Variants in HOOK1 observed in about 807,000 individuals in gnomAD.
HOOK1 encodes hook microtubule tethering protein 1.
A neutral mutation model predicts 112.8 loss-of-function variants in HOOK1; 60 were observed. The observed-to-expected ratio is 0.53, with a 90% CI of 0.43 to 0.66. The LOEUF (loss-of-function observed/expected upper bound fraction) is 0.66. HOOK1 is among the 30% of genes least tolerant of loss of function. The probability of loss-of-function intolerance (pLI) is 0.00; values close to 1 mark genes in which losing one functional copy is unlikely to be tolerated. For missense variants in HOOK1, 770 were observed against 856.0 expected (o/e 0.90, Z 1.25); for synonymous variants, 294 against 283.8 (o/e 1.04, Z -0.36).
chr1:59,841,891 A>G (rs1327688721), intron 8 of HOOK1, among the ~76,000 whole-genome samples: 2 of 152,114 alleles, frequency 1.3e-5, no homozygotes, highest in Admixed American at 1.3e-4. Flanking sequence ...TGCAGATTGA[A>G]CTTATCACCA....
At chr1:59,823,200 G>A (rs980062696) in intron 2 of HOOK1, among the ~76,000 whole-genome samples, 5 of 152,078 alleles carry the variant, frequency 3.3e-5, no homozygotes, top group Non-Finnish European at 5.9e-5. Context: ...GGCGCCTGTA[G>A]TCCCAGCTAC....
At chr1:59,859,290 C>T (rs2098412339) in intron 14 of HOOK1, among the ~76,000 whole-genome samples, 1 of 151,964 alleles carries the variant, frequency 6.6e-6, no homozygotes, top group African/African-American at 2.4e-5. Context: ...ACATGACCCC[C>T]ATGTGCTATG....
intron 13 of HOOK1, 45 bp downstream of exon 13, chr1:59,858,560 G>A: frequency 8.1e-7 from 1 of 1,231,140 alleles, no homozygotes; most frequent in Non-Finnish European, 1.2e-6. Context: ...GGGCAGCATA[G>A]TGGGACTCCA....
intron 21 of HOOK1, 56 bp downstream of exon 21, chr1:59,871,166 T>G: frequency 8.9e-7 from 1 of 1,120,228 alleles, no homozygotes; most frequent in Non-Finnish European, 1.3e-6. Context: ...CAAACTTTTT[T>G]TTGACCAAGT....
intron 2 of HOOK1, among the ~76,000 whole-genome samples, 194 bp downstream of exon 2, chr1:59,822,137 A>G (rs1369049062): frequency 6.6e-6 from 1 of 152,238 alleles, no homozygotes; most frequent in Non-Finnish European, 1.5e-5. Flanking sequence ...GCTTGTTCAT[A>G]GAGATACATC....
chr1:59,823,123 A>T (rs773847359), intron 2 of HOOK1, among the ~76,000 whole-genome samples: 1 of 152,224 alleles, frequency 6.6e-6, no homozygotes, highest in Non-Finnish European at 1.5e-5. Flanking sequence ...GATCGAGACC[A>T]TCCTGGCTAA....
chr1:59,870,881 A>T (rs1000975175), intron 20 of HOOK1, 161 bp from the exon 21 acceptor site: 2 of 566,760 alleles, frequency 3.5e-6, no homozygotes, highest in South Asian at 4.5e-5. Flanking sequence ...GGTGTTGGGC[A>T]TGCATTTGTG....
chr1:59,833,606 C>A, intron 5 of HOOK1, 69 bp downstream of exon 5: 1 of 1,268,948 alleles, frequency 7.9e-7, no homozygotes, highest in Non-Finnish European at 1.1e-6. Flanking sequence ...TATAAGCTAG[C>A]ATTAAATCAT....
chr1:59,839,327 T>C (rs571793549), intron 7 of HOOK1, among the ~76,000 whole-genome samples: 5 of 152,232 alleles, frequency 3.3e-5, no homozygotes, highest in African/African-American at 9.6e-5. Flanking sequence ...TTCCTACCCA[T>C]GAGCATGGAA....
At position 59,840,586 on chromosome 1, in the gene HOOK1, G is replaced by A. The variant is rs549474552; in HGVS notation, c.621+195G>A. Among the ~76,000 whole-genome samples, 20 of 152,160 alleles carry A rather than the reference G, an allele frequency of 1.3e-4. No individual in the cohort carries two copies. In the South Asian group the frequency reaches 3.9e-3, roughly 30 times the overall value. On this transcript the variant is annotated intron_variant, in intron 8 of 21. Transcript: ENST00000371208. ...TATTTTTCTCTGATAGTTGAAATTT[G>A]CTGGCTTAACTTTCTTTGAGAAAAT...
intron 10 of HOOK1, 65 bp from the exon 11 acceptor site, chr1:59,848,250 G>T: frequency 1.8e-6 from 2 of 1,102,636 alleles, no homozygotes; most frequent in Non-Finnish European, 2.6e-6. Context: ...TCATTTTATA[G>T]CCAGAGTAAA....
intron 1 of HOOK1, among the ~76,000 whole-genome samples, chr1:59,820,511 T>C (rs1395343199): frequency 5.9e-5 from 9 of 152,198 alleles, no homozygotes; most frequent in Admixed American, 3.9e-4. Context: ...TAATATCTCT[T>C]CTCATGTATC....
chr1:59,819,067 C>T (rs1211311870), intron 1 of HOOK1, among the ~76,000 whole-genome samples: 1 of 150,874 alleles, frequency 6.6e-6, no homozygotes, highest in Non-Finnish European at 1.5e-5. Context: ...TTGGGTCACT[C>T]ACTAAAAAGA....
chr1:59,821,877 C>T lies in HOOK1; in HGVS notation c.83C>T (p.Ala28Val), dbSNP rs148437166. 2.2e-3 allele frequency: 3,598 copies of T among 1,603,148 alleles called. 5 individuals carry two copies. The highest frequency in any genetic ancestry group is 2.9e-3 in the Non-Finnish European group (3,415 of 1,175,680). The change falls in exon 2 of 22, where the codon GCC becomes GTC. Residue 28 changes from alanine (A) to valine (V), a missense_variant. Physicochemically the swap from Ala to Val is moderately conservative, Grantham distance 64. This residue lies in a region of HOOK1 where 655 missense variants were observed against 725.9 expected (regional missense o/e 0.90). Transcript: ENST00000371208. ...TTTTAGCTGCAGACATTCAATACTG[C>T]CTCACCTTGTCAAGATGTCAAACAG... is the stretch of plus-strand genomic sequence containing the variant. ...LMIWLQTFNT[A>V]SPCQDVKQLT...
In HOOK1 at chr1:59,871,490, G is replaced by A. The variant is rs980719191; in HGVS notation, c.2016+380G>A. 2.0e-5 allele frequency among the ~76,000 whole-genome samples: 3 copies of A among 152,116 alleles called. No homozygotes were observed. In the South Asian group the frequency reaches 6.2e-4, roughly 32 times the overall value. On this transcript the variant is annotated intron_variant, in intron 21 of 21. Coordinates refer to ENST00000371208, the MANE Select transcript of HOOK1 (RefSeq NM_015888.6). Reference sequence around the variant, plus strand: ...TGTAATGCAAAATTAAATGCTTCTAGTTACTCAGTATTTATTTTAACATCC... The same window carrying A: ...TGTAATGCAAAATTAAATGCTTCTAATTACTCAGTATTTATTTTAACATCC...
intron 2 of HOOK1, 31 bp downstream of exon 2, chr1:59,821,974 C>T (rs1035397625): frequency 3.3e-6 from 5 of 1,524,874 alleles, no homozygotes; most frequent in African/African-American, 2.7e-5. Flanking sequence ...CCCTGAAAAG[C>T]ATTGTAAACC....
intron 8 of HOOK1, 37 bp downstream of exon 8, chr1:59,840,428 CTT>C: frequency 1.5e-6 from 2 of 1,350,952 alleles, no homozygotes; most frequent in Non-Finnish European, 2.0e-6. Flanking sequence ...AAAACTTCCT[CTT>C]TAAGTTTACA....
At chr1:59,839,447 C>A (rs2098399774) in intron 7 of HOOK1, among the ~76,000 whole-genome samples, 1 of 152,132 alleles carries the variant, frequency 6.6e-6, no homozygotes, top group African/African-American at 2.4e-5. Flanking sequence ...GTATTTTATT[C>A]TCTTAGTAGC....
At chr1:59,846,165 T>G in intron 9 of HOOK1, among the ~76,000 whole-genome samples, 1 of 151,858 alleles carries the variant, frequency 6.6e-6, no homozygotes, top group East Asian at 1.9e-4. Context: ...TCTCTTCTTA[T>G]CCTTAAAACT....
Sources: allele counts gnomAD v4.1 joint callset (sites outside exome capture counted in the v4.1 genomes callset), GRCh38; gene constraint gnomAD v4.1.1; regional missense constraint gnomAD v4.1.1; transcripts MANE v1.5; gene names NCBI Gene and HGNC (gene_info 2026-07-23, HGNC 2026-07-21).